The following PFKFB3 variants were observed in gnomAD, a reference collection of about 807,000 sequenced individuals.
The protein encoded by PFKFB3 is 6-phosphofructo-2-kinase/fructose-2,6-biphosphatase 3, also known as 6-phosphofructo-2-kinase/fructose-2,6-bisphosphatase 3.
A neutral mutation model predicts 68.0 loss-of-function variants in PFKFB3; 33 were observed. The observed-to-expected ratio is 0.49, with a 90% CI of 0.37 to 0.65. The LOEUF is 0.65. PFKFB3 is among the 30% of genes least tolerant of loss of function. The pLI, the probability that PFKFB3 is intolerant of heterozygous loss-of-function variation, is 0.00. For missense variants in PFKFB3, 586 were observed against 712.2 expected, an observed-to-expected ratio of 0.82 and a Z score of 2.02; for synonymous variants, 315 against 288.2, an observed-to-expected ratio of 1.09 and a Z score of -0.94.
At chr10:6,270,546 G>T in the PFKFB3 span, among the ~76,000 whole-genome samples, 1 of 152,148 alleles carries the variant, frequency 6.6e-6, no homozygotes, top group Non-Finnish European at 1.5e-5. Flanking sequence ...CTCGGCCACA[G>T]AGGCTTTCTT....
At chr10:6,301,268 A>T in the PFKFB3 span, among the ~76,000 whole-genome samples, 1 of 152,212 alleles carries the variant, frequency 6.6e-6, no homozygotes, top group East Asian at 1.9e-4. Context: ...ACACATACCT[A>T]GATTAGGAAA....
At chr10:6,172,633 G>A (rs903769928) in intron 1 of PFKFB3, among the ~76,000 whole-genome samples, 2 of 152,088 alleles carry the variant, frequency 1.3e-5, no homozygotes, top group Non-Finnish European at 2.9e-5. Context: ...ACCAGCCTGA[G>A]CAACATGATG....
At chr10:6,186,299 A>C (rs1461765678) in intron 1 of PFKFB3, among the ~76,000 whole-genome samples, 1 of 152,166 alleles carries the variant, frequency 6.6e-6, no homozygotes, top group Non-Finnish European at 1.5e-5. Context: ...ACACGACCAC[A>C]TCCTGTGGCA....
At chr10:6,236,435 C>G (rs965369071), downstream of PFKFB3, among the ~76,000 whole-genome samples, 2 of 152,252 alleles carry the variant, frequency 1.3e-5, no homozygotes, top group African/African-American at 4.8e-5. Flanking sequence ...GATTTTTTTT[C>G]CGGAGCCCCC....
the PFKFB3 span, among the ~76,000 whole-genome samples, chr10:6,274,215 T>A: frequency 1.3e-5 from 2 of 151,244 alleles, no homozygotes; most frequent in Middle Eastern, 6.8e-3. Flanking sequence ...AAAAAAAAAA[T>A]TAAAAAACTG....
At chr10:6,169,828 C>T (rs939921984) in intron 1 of PFKFB3, among the ~76,000 whole-genome samples, 4 of 152,160 alleles carry the variant, frequency 2.6e-5, no homozygotes, top group African/African-American at 4.8e-5. Context: ...GCCTGGCTCC[C>T]GGTTTTATGT....
At chr10:6,155,204 T>C (rs1037388336) in intron 1 of PFKFB3, among the ~76,000 whole-genome samples, 6 of 95,802 alleles carry the variant, frequency 6.3e-5, no homozygotes, top group South Asian at 4.5e-4. Flanking sequence ...CGAGTTTTTT[T>C]CTTTTTTTTT....
At chr10:6,209,946 A>G (rs1370840174) in intron 1 of PFKFB3, among the ~76,000 whole-genome samples, 1 of 151,490 alleles carries the variant, frequency 6.6e-6, no homozygotes, top group Admixed American at 6.6e-5. Context: ...TTGTATTTTT[A>G]ATAGAGATGG....
chr10:6,315,611 G>A, the PFKFB3 span, among the ~76,000 whole-genome samples: 1 of 152,228 alleles, frequency 6.6e-6, no homozygotes, highest in African/African-American at 2.4e-5. Context: ...AGCCTCCTGA[G>A]TAGCTGAGAT....
intron 4 of PFKFB3, 43 bp from the exon 5 acceptor site, chr10:6,216,663 C>G: frequency 7.3e-7 from 1 of 1,364,584 alleles, no homozygotes; most frequent in African/African-American, 1.4e-5. Flanking sequence ...TTGTTAAACT[C>G]AAACTTAGAG....
chr10:6,227,496 C>T lies in PFKFB3; in HGVS notation c.1515+1131C>T, dbSNP rs142699755. Reference sequence around the variant, plus strand: ...GACCTGGGAGATGCTGCAGCCTCCACAGGTCACTTAACCTCTCCAGGCCTC... The same window carrying T: ...GACCTGGGAGATGCTGCAGCCTCCATAGGTCACTTAACCTCTCCAGGCCTC... On this transcript the variant is annotated intron_variant, in intron 14 of 14. Transcript: ENST00000379775. 3.7e-3 allele frequency among the ~76,000 whole-genome samples: 559 copies of T among 152,340 alleles called. 5 individuals carry two copies. The highest frequency in any genetic ancestry group is 0.013 in the African/African-American group (521 of 41,574).
At chr10:6,187,458 G>A (rs1842900630) in intron 1 of PFKFB3, among the ~76,000 whole-genome samples, 1 of 152,358 alleles carries the variant, frequency 6.6e-6, no homozygotes, top group Non-Finnish European at 1.5e-5. Context: ...CAGGTGCAGT[G>A]TGGTTTATAT....
the PFKFB3 span, among the ~76,000 whole-genome samples, chr10:6,261,485 G>T: frequency 1.3e-5 from 2 of 152,200 alleles, no homozygotes. Flanking sequence ...TGATGAGAAT[G>T]CATGGACACA....
rs1180790422 is a variant in PFKFB3 at position 6,215,174 on chromosome 10, C to T, written c.203-47C>T. The T allele has an allele frequency of 2.0e-6, 3 of 1,524,384 alleles. No individual in the cohort carries two copies. The highest frequency in any genetic ancestry group is 2.7e-6 in the Non-Finnish European group (3 of 1,099,204). 94.4% of individuals were successfully genotyped at this position (1,524,384 alleles called of 1,614,324 possible). The stretch of plus-strand genomic sequence containing the variant: ...CCTATGGTCCCGGTGTGAGCTGGCC[C>T]CTTCCTCCTGCTCGATCATCCAGAC... On this transcript the variant is annotated intron_variant, in intron 2 of 14. Transcript: ENST00000379775. This position sits in a 1 kb window ranked among gnomAD's most constrained non-coding sequence, Gnocchi z 4.3.
intron 1 of PFKFB3, among the ~76,000 whole-genome samples, chr10:6,151,336 C>T (rs548246736): frequency 1.3e-5 from 2 of 150,238 alleles, no homozygotes; most frequent in Non-Finnish European, 2.9e-5. Context: ...GCTGTAGCTC[C>T]GGAAGGTGCT....
chr10:6,252,598 A>G (rs1846405688), intron 14 of PFKFB3, among the ~76,000 whole-genome samples: 1 of 152,268 alleles, frequency 6.6e-6, no homozygotes, highest in Admixed American at 6.5e-5. Context: ...TGTGATTATG[A>G]AAATATCTGA....
At chr10:6,298,608 C>T in the PFKFB3 span, among the ~76,000 whole-genome samples, 1 of 152,146 alleles carries the variant, frequency 6.6e-6, no homozygotes. Flanking sequence ...TCAAGCAATC[C>T]TCCTGCCTCG....
chr10:6,206,974 G>A (rs1355192952), intron 1 of PFKFB3, among the ~76,000 whole-genome samples: 2 of 149,160 alleles, frequency 1.3e-5, no homozygotes, highest in African/African-American at 2.5e-5. Flanking sequence ...AGGCAGAGGG[G>A]CTCCTCACAT....
chr10:6,300,657 T>C, the PFKFB3 span, among the ~76,000 whole-genome samples: 1 of 152,216 alleles, frequency 6.6e-6, no homozygotes, highest in Non-Finnish European at 1.5e-5. Context: ...CACCTTTTCA[T>C]GCTGCTTTCT....
Sources: allele counts gnomAD v4.1 joint callset (sites outside exome capture counted in the v4.1 genomes callset), GRCh38; gene constraint gnomAD v4.1.1; non-coding constraint Gnocchi (gnomAD v3.1); transcripts MANE v1.5; gene names NCBI Gene and HGNC (gene_info 2026-07-23, HGNC 2026-07-21).